Variants in DNAH3 observed in about 807,000 individuals in gnomAD.
DNAH3 encodes dynein axonemal heavy chain 3, also known as axonemal beta dynein heavy chain 3.
DNAH3 carries 332 observed loss-of-function variants against 432.5 expected under a neutral mutation model. The ratio of observed to expected loss-of-function variants is 0.77; its 90% CI spans 0.70 to 0.84. The LOEUF (loss-of-function observed/expected upper bound fraction) is 0.84, where lower values mean the gene tolerates loss of function less well. DNAH3 is among the 40% of genes least tolerant of loss of function. DNAH3 has a pLI of 0.00. For synonymous variants in DNAH3, 1,956 were observed against 1,900.2 expected (o/e 1.03, Z -0.76); for missense variants, 4,861 against 5,114.0 (o/e 0.95, Z 1.51).
chr16:21,020,666 A>G (rs1178851878), intron 40 of DNAH3, among the ~76,000 whole-genome samples: 1 of 151,638 alleles, frequency 6.6e-6, no homozygotes, highest in African/African-American at 2.4e-5. Flanking sequence ...AACTTCCCAA[A>G]GTGCTGGAAT....
At chr16:20,944,635 G>T in exon 58 of DNAH3, 2 of 1,614,040 alleles carry the variant, frequency 1.2e-6, no homozygotes, top group Non-Finnish European at 1.7e-6. Context: ...GGCTGTGATG[G>T]GGAGATTCCT....
chr16:20,969,683 A>G lies in DNAH3; in HGVS notation c.8458+109T>C, dbSNP rs990094219. On this transcript the variant is annotated intron_variant, in intron 52 of 61. Transcript: ENST00000261383. ...TTCCTTTCTTAATTCCTCCAAACTC[A>G]GTGATCTTGCCTGCACGCCTGCAGT... 7.3e-6 allele frequency: 9 copies of G among 1,240,150 alleles called. No individual in the cohort carries two copies. In the African/African-American group the frequency reaches 1.3e-4, roughly 18 times the overall value. The allele number at this position is 1,240,150 out of a possible 1,614,324, so 76.8% of individuals were successfully genotyped here. A position where few individuals can be genotyped will look rare whatever the true frequency, so the allele number is the denominator to read the frequency against.
exon 52 of DNAH3, chr16:20,969,856 G>A: frequency 6.2e-7 from 1 of 1,614,156 alleles, no homozygotes; most frequent in Non-Finnish European, 8.5e-7. Context: ...TGCTCTCCAT[G>A]ACCAGTTTGA....
chr16:20,985,249 T>A (rs1441923851), exon 48 of DNAH3: 1 of 1,614,068 alleles, frequency 6.2e-7, no homozygotes. Flanking sequence ...GAATGATTCA[T>A]CCTTGATCTG....
intron 29 of DNAH3, among the ~76,000 whole-genome samples, chr16:21,051,342 T>C (rs972506495): frequency 1.3e-5 from 2 of 152,176 alleles, no homozygotes; most frequent in South Asian, 2.1e-4. Context: ...ACTTCTTGTC[T>C]ATCTTATGGC....
chr16:21,107,488 C>T (rs919292125), intron 14 of DNAH3, among the ~76,000 whole-genome samples: 6 of 152,042 alleles, frequency 3.9e-5, no homozygotes, highest in African/African-American at 1.4e-4. Context: ...GATCTGCCTG[C>T]CTTGGCCTCC....
intron 14 of DNAH3, among the ~76,000 whole-genome samples, chr16:21,108,722 A>G (rs1597392348): frequency 1.3e-5 from 2 of 152,162 alleles, no homozygotes. Flanking sequence ...CAGTCTGGGC[A>G]ACAGAGTAAG....
At chr16:20,935,525 C>CT (rs1418432739) in intron 60 of DNAH3, 40 bp from the exon 61 acceptor site, 1 of 1,595,902 alleles carries the variant, frequency 6.3e-7, no homozygotes, top group East Asian at 2.2e-5. Context: ...ATCAACAACA[C>CT]ATCAAAGATA....
intron 40 of DNAH3, 119 bp from the exon 41 acceptor site, chr16:21,019,988 G>T: frequency 1.8e-6 from 2 of 1,117,914 alleles, no homozygotes; most frequent in Non-Finnish European, 2.6e-6. Flanking sequence ...GATATTGGCA[G>T]AGTGCCTATC....
At chr16:21,026,553 T>G (rs1449351086) in intron 38 of DNAH3, among the ~76,000 whole-genome samples, 1 of 151,622 alleles carries the variant, frequency 6.6e-6, no homozygotes, top group Non-Finnish European at 1.5e-5. Context: ...ATACAAAAAT[T>G]AGCCGAGGGT....
intron 11 of DNAH3, chr16:21,120,723 A>C (rs375676566): frequency 6.3e-7 from 1 of 1,577,180 alleles, no homozygotes; most frequent in Non-Finnish European, 8.7e-7. Flanking sequence ...CATCAAATGT[A>C]GTACCGGCCC....
In DNAH3 at chr16:20,988,075, A is replaced by G. The variant is rs1375839427; in HGVS notation, c.6602-10T>C. 1 of 1,613,600 alleles carries G rather than the reference A, an allele frequency of 6.2e-7. No individual in the cohort carries two copies. The highest frequency in any genetic ancestry group is 1.3e-5 in the African/African-American group (1 of 74,936). ...TGGCGAGTGAATCGTCCTGGGGAAT[A>G]CAACACACAAGTGAATCATCCTGGA... On this transcript the variant is annotated splice_polypyrimidine_tract_variant and intron_variant, in intron 44 of 61. Transcript: ENST00000261383.
chr16:21,147,074 T>C (rs921715977), intron 1 of DNAH3, among the ~76,000 whole-genome samples: 2 of 152,026 alleles, frequency 1.3e-5, no homozygotes, highest in African/African-American at 4.8e-5. Flanking sequence ...CTTCATTTTT[T>C]AATCATTCAG....
intron 52 of DNAH3, among the ~76,000 whole-genome samples, chr16:20,969,322 G>A (rs137995459): frequency 2.6e-5 from 4 of 152,214 alleles, no homozygotes; most frequent in African/African-American, 7.2e-5. Context: ...GCATGCATGC[G>A]TGTATAGGTG....
chr16:21,109,155 A>G (rs1420944721), intron 14 of DNAH3, among the ~76,000 whole-genome samples: 1 of 151,986 alleles, frequency 6.6e-6, no homozygotes, highest in Non-Finnish European at 1.5e-5. Context: ...AAGAAAAGAA[A>G]AAGAAAAAGA....
At chr16:20,980,457 T>A (rs977160668) in intron 49 of DNAH3, among the ~76,000 whole-genome samples, 2 of 150,556 alleles carry the variant, frequency 1.3e-5, no homozygotes, top group Non-Finnish European at 3.0e-5. Flanking sequence ...ACTGTAGCCT[T>A]AACCTCCCTG....
exon 43 of DNAH3, chr16:21,000,495 T>C (rs1203646769): frequency 6.2e-7 from 1 of 1,609,956 alleles, no homozygotes; most frequent in South Asian, 1.1e-5. Context: ...CTGTCTCCAT[T>C]GTGGGGATGA....
At chr16:21,078,357 G>A (rs933941652) in intron 20 of DNAH3, among the ~76,000 whole-genome samples, 28 of 151,824 alleles carry the variant, frequency 1.8e-4, no homozygotes, top group African/African-American at 2.7e-4. Context: ...TAAATAGAGC[G>A]GAGAACCCTC....
chr16:20,991,093 C>T (rs746692882), intron 44 of DNAH3, among the ~76,000 whole-genome samples: 4 of 152,260 alleles, frequency 2.6e-5, no homozygotes, highest in East Asian at 1.9e-4. Context: ...AAAAGCCTCT[C>T]GACAGAGCCC....
Sources: allele counts gnomAD v4.1 joint callset (sites outside exome capture counted in the v4.1 genomes callset), GRCh38; gene constraint gnomAD v4.1.1; transcripts MANE v1.5; gene names NCBI Gene and HGNC (gene_info 2026-07-23, HGNC 2026-07-21).